Variants in OR1L8 observed in about 807,000 individuals in gnomAD.
OR1L8 encodes olfactory receptor family 1 subfamily L member 8.
For synonymous variants in OR1L8, 148 were observed against 147.0 expected (o/e 1.01, Z -0.05); for missense variants, 330 against 377.4 (o/e 0.87, Z 1.04).
intron 3 of OR1L8, among the ~76,000 whole-genome samples, chr9:122,573,884 A>G (rs2118732996): frequency 1.3e-5 from 2 of 152,284 alleles, no homozygotes; most frequent in South Asian, 4.1e-4. Flanking sequence ...TGCATCTTAT[A>G]TTTAGGACTA....
intron 4 of OR1L8, among the ~76,000 whole-genome samples, chr9:122,571,714 C>CAAAA (rs35818693): frequency 8.0e-6 from 1 of 124,370 alleles, no homozygotes; most frequent in Non-Finnish European, 1.7e-5. Context: ...GACTCAGTCT[C>CAAAA]AAAAAAAAAA....
At chr9:122,580,984 C>G (rs1211276146) in intron 1 of OR1L8, among the ~76,000 whole-genome samples, 1 of 152,014 alleles carries the variant, frequency 6.6e-6, no homozygotes, top group Admixed American at 6.6e-5. Context: ...TAAAATTAAG[C>G]AATACTCAGT....
downstream of OR1L8, among the ~76,000 whole-genome samples, chr9:122,563,124 A>G (rs971190146): frequency 1.3e-5 from 2 of 151,854 alleles, no homozygotes; most frequent in East Asian, 1.9e-4. Context: ...GTACTAATTT[A>G]TATTCTCACC....
At chr9:122,556,331 A>G in the OR1L8 span, among the ~76,000 whole-genome samples, 2 of 150,128 alleles carry the variant, frequency 1.3e-5, no homozygotes, top group Non-Finnish European at 3.0e-5. Flanking sequence ...CTATTTGTTG[A>G]AGAGACTGTT....
chr9:122,555,848 A>G, the OR1L8 span, among the ~76,000 whole-genome samples: 1 of 152,212 alleles, frequency 6.6e-6, no homozygotes, highest in African/African-American at 2.4e-5. Context: ...TGGTACATTT[A>G]TTACAATCCA....
At position 122,568,197 on chromosome 9, in the gene OR1L8, G is replaced by A. The variant is rs1351979210; in HGVS notation, c.281C>T (p.Ser94Phe). Reference sequence around the variant, plus strand: ...CATCTGTGTCAGACACCCAGCATAGGAGATGGTCTTCTTTTCTGACAGGAA... The same window carrying A: ...CATCTGTGTCAGACACCCAGCATAGAAGATGGTCTTCTTTTCTGACAGGAA... ...MNFLSEKKTISYAGCLTQMYF... is the reference protein window; with the variant it reads ...MNFLSEKKTIFYAGCLTQMYF... Residue 94 changes from serine (S) to phenylalanine (F), a missense_variant, in exon 5 of 5, where the codon TCC becomes TTC. Ser to Phe is a radical substitution (Grantham distance 155). Transcript: ENST00000641027. 1 of 1,614,098 alleles carries A rather than the reference G, an allele frequency of 6.2e-7. No individual in the cohort carries two copies. Among genetic ancestry groups the A allele is most frequent in the South Asian group, 1.1e-5 (1 of 91,092 alleles).
intron 3 of OR1L8, among the ~76,000 whole-genome samples, chr9:122,576,138 A>AT (rs1275799659): frequency 1.3e-5 from 2 of 152,112 alleles, no homozygotes; most frequent in African/African-American, 2.4e-5. Context: ...CAGATAGTTC[A>AT]TTTTTTTGCT....
At chr9:122,549,284 C>T in the OR1L8 span, among the ~76,000 whole-genome samples, 1 of 152,136 alleles carries the variant, frequency 6.6e-6, no homozygotes, top group Non-Finnish European at 1.5e-5. Context: ...CCTTCACCTT[C>T]CACCATGATT....
the OR1L8 span, among the ~76,000 whole-genome samples, chr9:122,552,006 C>T: frequency 7.1e-6 from 1 of 141,366 alleles, no homozygotes; most frequent in Non-Finnish European, 1.6e-5. Flanking sequence ...CATAATCTGA[C>T]AGGTGAGGAT....
At chr9:122,558,002 T>C in the OR1L8 span, among the ~76,000 whole-genome samples, 4 of 152,002 alleles carry the variant, frequency 2.6e-5, no homozygotes, top group Non-Finnish European at 4.4e-5. Flanking sequence ...CACAGATTTG[T>C]TCATGGTATT....
chr9:122,578,448 CAAAAAAAA>C lies in OR1L8; in HGVS notation c.-599-11_-599-4del, dbSNP rs59916969. On this transcript the variant is annotated splice_polypyrimidine_tract_variant and splice_region_variant and intron_variant, in intron 1 of 4. Coordinates refer to ENST00000641027, the MANE Select transcript of OR1L8 (RefSeq NM_001004454.2). ...TGGGCGACAGTGCAAGACTCCATCT[CAAAAAAAA>C]AAAAAAAAAGACATCATTATATACA... is the stretch of plus-strand genomic sequence containing the variant. 1.7e-5 allele frequency: 2 copies of C among 115,056 alleles called. No individual in the cohort carries two copies. Among genetic ancestry groups the C allele is most frequent in the Non-Finnish European group, 3.6e-5 (2 of 54,980 alleles). The allele number at this position is 115,056 out of a possible 1,614,324, so 7.1% of individuals were successfully genotyped here.
chr9:122,546,770 C>T, the OR1L8 span, among the ~76,000 whole-genome samples: 1 of 152,006 alleles, frequency 6.6e-6, no homozygotes, highest in South Asian at 2.1e-4. Flanking sequence ...GGAAGAATAA[C>T]GCAAAGCAAA....
In OR1L8 at chr9:122,569,321, CTT is replaced by C. The variant is rs144864573; in HGVS notation, c.-212-634_-212-633del. ...AGTGTTAAATCTGTTTTTAATTTATCTTTTACGTGTTAAAAATATATATGAGA... is the reference window on the plus strand; with the variant it reads ...AGTGTTAAATCTGTTTTTAATTTATCTTACGTGTTAAAAATATATATGAGA... On this transcript the variant is annotated intron_variant, in intron 4 of 4. Coordinates refer to ENST00000641027, the MANE Select transcript of OR1L8 (RefSeq NM_001004454.2). 8.2e-3 allele frequency among the ~76,000 whole-genome samples: 1,246 copies of C among 152,150 alleles called. 16 individuals are homozygous for C. Among genetic ancestry groups the C allele is most frequent in the African/African-American group, 0.029 (1,189 of 41,524 alleles).
At chr9:122,571,694 G>A (rs532359671) in intron 4 of OR1L8, among the ~76,000 whole-genome samples, 6 of 148,528 alleles carry the variant, frequency 4.0e-5, no homozygotes, top group South Asian at 2.1e-4. Context: ...CCAGCCTGGC[G>A]ACAGAGCGAG....
chr9:122,575,874 G>T (rs2118738964), intron 3 of OR1L8, among the ~76,000 whole-genome samples: 1 of 152,186 alleles, frequency 6.6e-6, no homozygotes, highest in African/African-American at 2.4e-5. Flanking sequence ...TGTATCCTTT[G>T]ACCTACATCT....
intron 4 of OR1L8, among the ~76,000 whole-genome samples, chr9:122,571,106 C>T (rs1829539390): frequency 6.6e-6 from 1 of 152,192 alleles, no homozygotes. Context: ...CCTCTTGCCA[C>T]ACAAATACAC....
At chr9:122,551,501 T>A in the OR1L8 span, among the ~76,000 whole-genome samples, 1 of 152,216 alleles carries the variant, frequency 6.6e-6, no homozygotes, top group Non-Finnish European at 1.5e-5. Flanking sequence ...TTTATACTCC[T>A]GATTTCTTCT....
chr9:122,574,520 G>C (rs986310398), intron 3 of OR1L8, among the ~76,000 whole-genome samples: 2 of 151,994 alleles, frequency 1.3e-5, no homozygotes, highest in East Asian at 3.8e-4. Flanking sequence ...AGAGAACAAT[G>C]GCTTTTGTAT....
the OR1L8 span, among the ~76,000 whole-genome samples, chr9:122,549,750 T>C: frequency 1.3e-5 from 2 of 152,188 alleles, no homozygotes; most frequent in Non-Finnish European, 2.9e-5. Flanking sequence ...ACCATGTTGT[T>C]TTGGTTACTA....
Sources: allele counts gnomAD v4.1 joint callset (sites outside exome capture counted in the v4.1 genomes callset), GRCh38; gene constraint gnomAD v4.1.1; transcripts MANE v1.5; gene names NCBI Gene and HGNC (gene_info 2026-07-23, HGNC 2026-07-21).